Variants in CHD9 observed in about 807,000 individuals in gnomAD.
CHD9 encodes the protein ATP-dependent chromatin remodeler CHD9.
In CHD9, 77 loss-of-function variants were observed where a neutral mutation model predicts 316.1. The observed-to-expected ratio is 0.24, with a 90% confidence interval of 0.20 to 0.29. The LOEUF is 0.29. CHD9 is among the 10% of genes least tolerant of loss of function. The probability of loss-of-function intolerance (pLI) is 1.00; values close to 1 mark genes in which losing one functional copy is unlikely to be tolerated. For missense variants in CHD9, 2,763 were observed against 3,438.1 expected (o/e 0.80, Z 4.91); for synonymous variants, 1,129 against 1,158.3 (o/e 0.97, Z 0.51).
At position 53,169,929 on chromosome 16, in the gene CHD9, A is replaced by T. The variant is rs141482416; in HGVS notation, c.1452+12388A>T. Among the ~76,000 whole-genome samples the T allele has an allele frequency of 1.7e-3, 252 of 152,206 alleles. 3 individuals carry two copies. The highest frequency in any genetic ancestry group is 5.8e-3 in the African/African-American group (239 of 41,528). On this transcript the variant is annotated intron_variant, in intron 2 of 38. Transcript: ENST00000447540. Reference sequence around the variant, plus strand: ...TCTTTAACCTCCTTTAACCTAATACAAGTGTTCCCTGTCCTTTCTGTTGTT... The same window carrying T: ...TCTTTAACCTCCTTTAACCTAATACTAGTGTTCCCTGTCCTTTCTGTTGTT...
Position 53,292,302 on chromosome 16 carries a change from T to G in CHD9, c.5291-531T>G, listed in dbSNP as rs117353532. Among the ~76,000 whole-genome samples, 622 of 152,330 alleles carry G rather than the reference T, an allele frequency of 4.1e-3. 3 individuals are homozygous for G. The highest frequency in any genetic ancestry group is 6.2e-3 in the Non-Finnish European group (424 of 68,028). On this transcript the variant is annotated intron_variant, in intron 28 of 38. Transcript: ENST00000447540. Reference sequence around the variant, plus strand: ...TTAGTATGAATGACTACAGCTTGATTATGGTATAGATAATTATAGTATTAC... The same window carrying G: ...TTAGTATGAATGACTACAGCTTGATGATGGTATAGATAATTATAGTATTAC...
At chr16:53,083,676 A>G (rs576945343) in intron 1 of CHD9, among the ~76,000 whole-genome samples, 1 of 152,082 alleles carries the variant, frequency 6.6e-6, no homozygotes, top group African/African-American at 2.4e-5. Context: ...TTTCTCTCAC[A>G]GAGATGAGAA....
At chr16:53,092,692 AAGCAAACAGATAAACTAGATTATTTCCT>A (rs1372962037) in intron 1 of CHD9, among the ~76,000 whole-genome samples, 1 of 152,190 alleles carries the variant, frequency 6.6e-6, no homozygotes, top group East Asian at 1.9e-4. Flanking sequence ...CACACTTAGG[AAGCAAACAGATAAACTAGATTATTTCCT>A]CATTGGAAAT....
rs558948068 is a variant in CHD9 at position 53,088,853 on chromosome 16, C to A, written c.-165+33776C>A. ...GCTCAGCCGGGCGTGGTGGCTCACA[C>A]CTGTAATCCCAGCACTTTGAGAGGC... On this transcript the variant is annotated intron_variant, in intron 1 of 38. Transcript: ENST00000447540. Among the ~76,000 whole-genome samples, 9 of 152,106 alleles carry A rather than the reference C, an allele frequency of 5.9e-5. No homozygotes were observed. In the East Asian group the frequency reaches 1.8e-3, roughly 30 times the overall value.
chr16:53,131,681 G>C (rs1221801823), intron 1 of CHD9, among the ~76,000 whole-genome samples: 2 of 151,986 alleles, frequency 1.3e-5, no homozygotes, highest in Admixed American at 1.3e-4. Flanking sequence ...GTTCCCTCCC[G>C]ACGGTCGGGC....
intron 24 of CHD9, among the ~76,000 whole-genome samples, 196 bp downstream of exon 24, chr16:53,274,498 C>T (rs1490273061): frequency 6.6e-6 from 1 of 152,096 alleles, no homozygotes; most frequent in Non-Finnish European, 1.5e-5. Context: ...TCTTGTTGCC[C>T]AGGGTGGAGT....
intron 26 of CHD9, 115 bp from the exon 27 acceptor site, chr16:53,287,842 A>G (rs1214520052): frequency 2.5e-6 from 2 of 797,258 alleles, no homozygotes; most frequent in East Asian, 5.1e-5. Flanking sequence ...TGGCTAGAGA[A>G]GAGACGTCAG....
intron 34 of CHD9, among the ~76,000 whole-genome samples, chr16:53,313,717 G>A (rs1030282679): frequency 4.6e-5 from 7 of 151,888 alleles, no homozygotes; most frequent in Admixed American, 2.0e-4. Context: ...GGCCGAGGCC[G>A]AGGCCGGTGG....
chr16:53,324,305 G>T lies in CHD9; in HGVS notation c.8104G>T (p.Gly2702Ter). The T allele has an allele frequency of 6.2e-7, 1 of 1,613,994 alleles. No homozygotes were observed. Among genetic ancestry groups the T allele is most frequent in the African/African-American group, 1.3e-5 (1 of 75,056 alleles). ...MGMPTGLPSG[G>*]EAKNMAAMFP... ...AATGCCTACCGGCCTTCCTTCTGGA[G>T]GAGAAGCTAAAAACATGGCTGCTAT... is the stretch of plus-strand genomic sequence containing the variant. The change falls in exon 39 of 39, where the codon GGA becomes TGA. Residue 2702 changes from glycine (G) to a stop codon, truncating the protein, a stop_gained. Transcript: ENST00000447540. LOFTEE classifies it high-confidence loss of function.
chr16:53,132,568 GGGA>G (rs1486478262), intron 1 of CHD9, among the ~76,000 whole-genome samples: 1 of 152,170 alleles, frequency 6.6e-6, no homozygotes, highest in Non-Finnish European at 1.5e-5. Context: ...GCATTGCAGA[GGGA>G]GGAGTTTGTT....
intron 1 of CHD9, among the ~76,000 whole-genome samples, chr16:53,088,989 G>A (rs2035705162): frequency 6.6e-6 from 1 of 152,106 alleles, no homozygotes; most frequent in Non-Finnish European, 1.5e-5. Flanking sequence ...ATGCGTGCCT[G>A]TAGTCCCAGC....
chr16:53,232,858 C>T (rs529842083), intron 10 of CHD9, among the ~76,000 whole-genome samples: 1 of 152,312 alleles, frequency 6.6e-6, no homozygotes, highest in South Asian at 2.1e-4. Flanking sequence ...TCTCAGTATA[C>T]TGATAGCCTG....
chr16:53,063,174 G>T (rs887041387), intron 1 of CHD9, among the ~76,000 whole-genome samples: 2 of 150,920 alleles, frequency 1.3e-5, no homozygotes, highest in African/African-American at 2.4e-5. Flanking sequence ...ACCAATATGG[G>T]TTAAGTACTA....
rs750572537 is a variant in CHD9, at chr16:53,171,861, GACACACAC to G, written c.1452+14354_1452+14361del. ...ACACACACACACACACACACACACAGACACACACACACACACACACACACACACACACA... is the reference window on the plus strand; with the variant it reads ...ACACACACACACACACACACACACAGACACACACACACACACACACACACA... On this transcript the variant is annotated intron_variant, in intron 2 of 38. Transcript: ENST00000447540. Among the ~76,000 whole-genome samples the G allele has an allele frequency of 7.1e-3, 885 of 124,912 alleles. 7 individuals are homozygous for G. Among genetic ancestry groups the G allele is most frequent in the African/African-American group, 0.02 (709 of 35,502 alleles). The allele number at this position is 124,912 out of a possible 152,430, so 81.9% of individuals were successfully genotyped here.
rs771700868 is a variant in CHD9 at position 53,229,023 on chromosome 16, T to A, written c.2209T>A (p.Leu737Met). The change falls in exon 8 of 39, where the codon TTG (leucine) becomes ATG (methionine). Residue 737 changes from leucine (L) to methionine (M), a missense_variant. By Grantham distance (15) the Leu-to-Met change is conservative (BLOSUM62 2). Coordinates refer to ENST00000447540, the MANE Select transcript of CHD9 (RefSeq NM_001308319.2). ...TGAGTGGGCCACAGAAGAGCAGCTTTTGAAAGATAAAAGGATCCAGCAGAA... is the reference window on the plus strand; with the variant it reads ...TGAGTGGGCCACAGAAGAGCAGCTTATGAAAGATAAAAGGATCCAGCAGAA... ...HCEWATEEQLLKDKRIQQKIK... is the reference protein window; with the variant it reads ...HCEWATEEQLMKDKRIQQKIK... 1 of 1,596,568 alleles carries A rather than the reference T, an allele frequency of 6.3e-7. No homozygotes were observed. Among genetic ancestry groups the A allele is most frequent in the Admixed American group, 1.7e-5 (1 of 58,716 alleles).
chr16:53,171,266 A>G (rs1488271766), intron 2 of CHD9, among the ~76,000 whole-genome samples: 1 of 152,040 alleles, frequency 6.6e-6, no homozygotes, highest in Non-Finnish European at 1.5e-5. Context: ...AAAATACAAA[A>G]AAATTAGCCA....
chr16:53,235,326 A>T lies in CHD9; in HGVS notation c.2633+20A>T, dbSNP rs1281635753. 7 of 1,486,160 alleles carry T rather than the reference A, an allele frequency of 4.7e-6. No individual in the cohort carries two copies. The highest frequency in any genetic ancestry group is 1.4e-5 in the African/African-American group (1 of 70,004). The allele number at this position is 1,486,160 out of a possible 1,614,324, so 92.1% of individuals were successfully genotyped here. ...CAATAGGTATGTAGTATATCTTAATAAAAAAAATTTATTTTTTTAATGTGT... is the reference window on the plus strand; with the variant it reads ...CAATAGGTATGTAGTATATCTTAATTAAAAAAATTTATTTTTTTAATGTGT... On this transcript the variant is annotated intron_variant, in intron 11 of 38. Transcript: ENST00000447540.
rs183155245 is a variant in CHD9 at position 53,159,714 on chromosome 16, A to G, written c.1452+2173A>G. 4.1e-3 allele frequency among the ~76,000 whole-genome samples: 622 copies of G among 152,140 alleles called. 1 individual carries two copies. The highest frequency in any genetic ancestry group is 0.01 in the Admixed American group (154 of 15,284). ...AACCTCTGCCTCCCAGGTTCAAGTGATTCTCCTCCCTCAGCCTCCTGAGTA... is the reference window on the plus strand; with the variant it reads ...AACCTCTGCCTCCCAGGTTCAAGTGGTTCTCCTCCCTCAGCCTCCTGAGTA... On this transcript the variant is annotated intron_variant, in intron 2 of 38. Transcript: ENST00000447540.
intron 2 of CHD9, among the ~76,000 whole-genome samples, chr16:53,206,524 C>G (rs1052539465): frequency 6.6e-6 from 1 of 152,102 alleles, no homozygotes; most frequent in African/African-American, 2.4e-5. Context: ...AACAAGACCC[C>G]CTTGTCTTTT....
Sources: allele counts gnomAD v4.1 joint callset (sites outside exome capture counted in the v4.1 genomes callset), GRCh38; gene constraint gnomAD v4.1.1; transcripts MANE v1.5; gene names NCBI Gene and HGNC (gene_info 2026-07-23, HGNC 2026-07-21).